The following BCKDHB variants were observed in gnomAD, a reference collection of about 807,000 sequenced individuals.
BCKDHB encodes the protein 2-oxoisovalerate dehydrogenase subunit beta, mitochondrial.
A neutral mutation model predicts 48.5 loss-of-function variants in BCKDHB; 41 were observed. The ratio of observed to expected loss-of-function variants is 0.85; its 90% confidence interval spans 0.66 to 1.10. The LOEUF is 1.10. BCKDHB is among the 50% of genes least tolerant of loss of function. The probability of loss-of-function intolerance (pLI) is 0.00; values close to 1 mark genes in which losing one functional copy is unlikely to be tolerated. For missense variants in BCKDHB, 496 were observed against 494.2 expected (o/e 1.00, Z -0.03); for synonymous variants, 201 against 174.8 (o/e 1.15, Z -1.18).
intron 3 of BCKDHB, among the ~76,000 whole-genome samples, chr6:80,145,541 T>C (rs560404224): frequency 5.1e-4 from 77 of 152,336 alleles, no homozygotes; most frequent in African/African-American, 1.8e-3. Flanking sequence ...CTCTTATAGA[T>C]ATTTTGGAGC....
At chr6:80,263,794 A>G (rs1049143766) in intron 8 of BCKDHB, among the ~76,000 whole-genome samples, 2 of 152,066 alleles carry the variant, frequency 1.3e-5, no homozygotes, top group Non-Finnish European at 2.9e-5. Flanking sequence ...CTGGCTGACA[A>G]TCTTGGTTTT....
chr6:80,259,357 A>G (rs1020689756), intron 8 of BCKDHB, among the ~76,000 whole-genome samples: 1 of 152,208 alleles, frequency 6.6e-6, no homozygotes, highest in Non-Finnish European at 1.5e-5. Context: ...GTCCCAGGGT[A>G]AAGTGATACG....
chr6:80,413,337 G>T, the BCKDHB span, among the ~76,000 whole-genome samples: 2 of 152,130 alleles, frequency 1.3e-5, no homozygotes, highest in South Asian at 4.2e-4. Flanking sequence ...ACATGTGCAG[G>T]TTTGTTATAT....
chr6:80,408,107 A>G, the BCKDHB span, among the ~76,000 whole-genome samples: 1 of 152,130 alleles, frequency 6.6e-6, no homozygotes, highest in Admixed American at 6.6e-5. Flanking sequence ...ATCTGTTGAG[A>G]TAATCATGTG....
rs532541632 is a variant in BCKDHB at position 80,261,242 on chromosome 6, A to G, written c.952-11893A>G. ...CTTTTTATTCTTGGCTTCTTTTCCA[A>G]TTCGGGCAATAGCAGGCCTCAAGTG... On this transcript the variant is annotated intron_variant, in intron 8 of 9. Coordinates refer to ENST00000320393, the MANE Select transcript of BCKDHB (RefSeq NM_183050.4). 7.8e-4 allele frequency among the ~76,000 whole-genome samples: 118 copies of G among 152,046 alleles called. 1 individual carries two copies. The highest frequency in any genetic ancestry group is 1.4e-3 in the Non-Finnish European group (94 of 67,988).
intron 9 of BCKDHB, among the ~76,000 whole-genome samples, chr6:80,322,032 A>G (rs1167031251): frequency 6.6e-6 from 1 of 152,190 alleles, no homozygotes; most frequent in Non-Finnish European, 1.5e-5. Flanking sequence ...AGGAGCATTC[A>G]TTTAAGAGGA....
chr6:80,457,994 G>A, the BCKDHB span, among the ~76,000 whole-genome samples: 3 of 152,292 alleles, frequency 2.0e-5, no homozygotes, highest in East Asian at 3.9e-4. Flanking sequence ...TAGATTTCAC[G>A]TAAGTTAACT....
intron 3 of BCKDHB, among the ~76,000 whole-genome samples, chr6:80,150,724 T>C (rs1771732298): frequency 6.6e-6 from 1 of 151,676 alleles, no homozygotes; most frequent in Admixed American, 6.6e-5. Flanking sequence ...ACACAGCTAA[T>C]TGTTGTATTT....
intron 9 of BCKDHB, among the ~76,000 whole-genome samples, chr6:80,318,686 TAAAA>T (rs756830332): frequency 1.7e-5 from 2 of 117,204 alleles, no homozygotes; most frequent in Non-Finnish European, 1.8e-5. Context: ...CTCTCTCTCT[TAAAA>T]AAAAAAAAAA....
intron 5 of BCKDHB, 47 bp from the exon 6 acceptor site, chr6:80,171,235 G>A: frequency 8.9e-7 from 1 of 1,117,726 alleles, no homozygotes; most frequent in South Asian, 1.3e-5. Context: ...CGAGTTTACT[G>A]GGATATATTT....
chr6:80,342,570 AAAAAAAAAAGAAAG>A (rs1475713722), intron 9 of BCKDHB, among the ~76,000 whole-genome samples: 1 of 145,814 alleles, frequency 6.9e-6, no homozygotes, highest in African/African-American at 2.5e-5. Flanking sequence ...AAAAAAAAAA[AAAAAAAAAAGAAAG>A]GGAAGAAAGG....
At chr6:80,326,727 A>C (rs1327309519) in intron 9 of BCKDHB, among the ~76,000 whole-genome samples, 1 of 152,164 alleles carries the variant, frequency 6.6e-6, no homozygotes, top group Non-Finnish European at 1.5e-5. Flanking sequence ...ATCTCTACTA[A>C]AAATACAAAA....
the BCKDHB span, among the ~76,000 whole-genome samples, chr6:80,375,305 T>A: frequency 2.6e-5 from 4 of 152,194 alleles, no homozygotes; most frequent in Admixed American, 6.5e-5. Flanking sequence ...GGTTTGGTTG[T>A]TTAACATGAT....
At chr6:80,398,817 C>G in the BCKDHB span, among the ~76,000 whole-genome samples, 4 of 152,212 alleles carry the variant, frequency 2.6e-5, no homozygotes, top group Admixed American at 6.5e-5. Context: ...GGCAAATATT[C>G]TTGATAAACA....
At chr6:80,459,071 A>T in the BCKDHB span, among the ~76,000 whole-genome samples, 1 of 152,286 alleles carries the variant, frequency 6.6e-6, no homozygotes, top group Admixed American at 6.5e-5. Context: ...AACAGTATGG[A>T]GGATTCTCAA....
intron 8 of BCKDHB, among the ~76,000 whole-genome samples, chr6:80,256,015 T>C (rs1777035605): frequency 6.6e-6 from 1 of 152,196 alleles, no homozygotes; most frequent in African/African-American, 2.4e-5. Flanking sequence ...CCCCAAAGGC[T>C]GAAAGTTCTA....
At chr6:80,243,524 T>C (rs894470144) in intron 8 of BCKDHB, among the ~76,000 whole-genome samples, 1 of 152,232 alleles carries the variant, frequency 6.6e-6, no homozygotes, top group African/African-American at 2.4e-5. Context: ...AGAAAAGTCC[T>C]TAAATATCTC....
intron 9 of BCKDHB, among the ~76,000 whole-genome samples, chr6:80,322,320 C>T (rs1346489778): frequency 6.8e-6 from 1 of 146,468 alleles, no homozygotes; most frequent in Admixed American, 7.3e-5. Flanking sequence ...CTCACTGCAA[C>T]CTCTACCTCC....
the BCKDHB span, among the ~76,000 whole-genome samples, chr6:80,410,469 A>C: frequency 6.6e-6 from 1 of 151,986 alleles, no homozygotes; most frequent in Non-Finnish European, 1.5e-5. Flanking sequence ...TGTTCTCTAT[A>C]TTTCCTGAAT....
Sources: gnomAD v4.1 joint callset for allele counts (sites outside exome capture counted in the v4.1 genomes callset) on GRCh38, gnomAD v4.1.1 for gene constraint, MANE v1.5 for transcripts, NCBI Gene and HGNC (gene_info 2026-07-23, HGNC 2026-07-21) for gene names.